ARHGAP5: variants seen among roughly 807,000 people sequenced by gnomAD.
ARHGAP5 encodes rho GTPase-activating protein 5.
In ARHGAP5, 23 loss-of-function variants were observed where a neutral mutation model predicts 116.6. That is an observed-to-expected ratio of 0.20 (90% CI 0.14 to 0.28). The LOEUF is 0.28. Ranked by LOEUF, ARHGAP5 falls within the 10% of genes least tolerant of loss-of-function variation. The pLI is 1.00. For synonymous variants in ARHGAP5, 574 were observed against 602.0 expected, an observed-to-expected ratio of 0.95 and a Z score of 0.68; for missense variants, 1,405 against 1,774.8, an observed-to-expected ratio of 0.79 and a Z score of 3.74.
At chr14:32,142,504 A>G (rs1268892532) in intron 3 of ARHGAP5, among the ~76,000 whole-genome samples, 1 of 152,294 alleles carries the variant, frequency 6.6e-6, no homozygotes, top group South Asian at 2.1e-4. Flanking sequence ...TGTTCTATTC[A>G]CTTTGCGGTG....
Position 32,154,645 on chromosome 14 carries a change from C to T in ARHGAP5, c.4206C>T (p.Asn1402=), listed in dbSNP as rs746095802. The T allele has an allele frequency of 8.6e-5, 138 of 1,610,494 alleles. No individual in the cohort carries two copies. Among genetic ancestry groups the T allele is most frequent in the Non-Finnish European group, 1.1e-4 (129 of 1,177,250 alleles). The part of the protein sequence containing the change: ...LNRVSQQHKI[N]LMTADNLSIC... Reference sequence around the variant, plus strand: ...GGGTTAGTCAGCAACATAAAATCAACCTAATGACAGCAGACAACTTATCCA... The same window carrying T: ...GGGTTAGTCAGCAACATAAAATCAATCTAATGACAGCAGACAACTTATCCA... Residue 1402 remains asparagine, a synonymous_variant, in exon 7 of 7, where the codon AAC becomes AAT. Transcript: ENST00000345122.
Position 32,149,441 on chromosome 14 carries a change from G to T in ARHGAP5, c.3944-461G>T, listed in dbSNP as rs1189990152. Among the ~76,000 whole-genome samples the T allele has an allele frequency of 3.3e-5, 5 of 152,174 alleles. No homozygotes were observed. The East Asian group carries it at 9.7e-4, about 29-fold the overall frequency. On this transcript the variant is annotated intron_variant, in intron 4 of 6. Transcript: ENST00000345122. ...AACAGAAAAGGCTTATTGCTTGGTT[G>T]TCTTTTCCCTGATCTGTGTAGTTTG...
intron 2 of ARHGAP5, among the ~76,000 whole-genome samples, chr14:32,109,355 A>G (rs576435683): frequency 4.9e-4 from 74 of 152,216 alleles, no homozygotes; most frequent in Non-Finnish European, 9.0e-4. Context: ...ATCTTTGAAT[A>G]TATTGAACTC....
intron 3 of ARHGAP5, among the ~76,000 whole-genome samples, chr14:32,120,180 T>G (rs1161900705): frequency 1.3e-5 from 2 of 152,060 alleles, no homozygotes; most frequent in East Asian, 3.8e-4. Flanking sequence ...TGGTTGTTTG[T>G]GTGTTTTGAG....
intron 3 of ARHGAP5, among the ~76,000 whole-genome samples, chr14:32,135,786 C>A (rs879411793): frequency 2.0e-5 from 3 of 152,134 alleles, no homozygotes; most frequent in Non-Finnish European, 4.4e-5. Context: ...ATTCTAATTC[C>A]AAATTTCCAG....
At chr14:32,100,159 T>C (rs1878724851) in intron 2 of ARHGAP5, among the ~76,000 whole-genome samples, 1 of 152,122 alleles carries the variant, frequency 6.6e-6, no homozygotes, top group South Asian at 2.1e-4. Flanking sequence ...AGATTGAAAA[T>C]ACTCAGGAAA....
chr14:32,100,152 T>C (rs898593473), intron 2 of ARHGAP5, among the ~76,000 whole-genome samples: 1 of 152,174 alleles, frequency 6.6e-6, no homozygotes, highest in Non-Finnish European at 1.5e-5. Context: ...AAACTGCAGA[T>C]TGAAAATACT....
At chr14:32,149,836 C>T (rs1361445779) in intron 4 of ARHGAP5, 66 bp from the exon 5 acceptor site, 1 of 919,814 alleles carries the variant, frequency 1.1e-6, no homozygotes, top group African/African-American at 1.8e-5. Context: ...CTAAAAGTAA[C>T]CATTTAGCTT....
intron 5 of ARHGAP5, among the ~76,000 whole-genome samples, chr14:32,151,357 C>A (rs889604979): frequency 3.3e-5 from 5 of 152,156 alleles, no homozygotes; most frequent in African/African-American, 1.2e-4. Flanking sequence ...ATTTCAGGGC[C>A]ACATTTTAGT....
Position 32,091,747 on chromosome 14 carries a change from A to G in ARHGAP5, c.1078A>G (p.Asn360Asp). 6.2e-7 allele frequency: 1 copy of G among 1,613,556 alleles called. No individual in the cohort carries two copies. The highest frequency in any genetic ancestry group is 8.5e-7 in the Non-Finnish European group (1 of 1,179,638). Reference protein sequence around the residue: ...LPNLEEIEHLNWSEALKLMEK... With the variant: ...LPNLEEIEHLDWSEALKLMEK... Reference sequence around the variant, plus strand: ...AAATCTAGAAGAGATTGAACATTTGAATTGGTCAGAAGCTTTGAAGTTAAT... The same window carrying G: ...AAATCTAGAAGAGATTGAACATTTGGATTGGTCAGAAGCTTTGAAGTTAAT... Residue 360 changes from asparagine (N) to aspartate (D), a missense_variant, in exon 2 of 7, where the codon AAT (asparagine) becomes GAT (aspartate). Physicochemically the swap from Asn to Asp is conservative, Grantham distance 23. Coordinates refer to ENST00000345122, the MANE Select transcript of ARHGAP5 (RefSeq NM_001030055.2).
chr14:32,077,451 C>T lies in ARHGAP5; in HGVS notation c.-169+16C>T, dbSNP rs1021602587. 25 of 697,550 alleles carry T rather than the reference C, an allele frequency of 3.6e-5. No individual in the cohort carries two copies. The highest frequency in any genetic ancestry group is 3.2e-4 in the African/African-American group (18 of 56,532). 43.2% of individuals were successfully genotyped at this position (697,550 alleles called of 1,614,324 possible). A position where few individuals can be genotyped will look rare whatever the true frequency, so the allele number is the denominator to read the frequency against. On this transcript the variant is annotated intron_variant, in intron 1 of 6. Transcript: ENST00000345122. Reference sequence around the variant, plus strand: ...ACGTTGTTAGGTAGGACCTTGCGGACCCCGCTCCTCCAAGCCTGCCTGCCC... The same window carrying T: ...ACGTTGTTAGGTAGGACCTTGCGGATCCCGCTCCTCCAAGCCTGCCTGCCC...
At chr14:32,109,111 A>G (rs115101650) in intron 2 of ARHGAP5, among the ~76,000 whole-genome samples, 2,762 of 152,232 alleles carry the variant, frequency 0.018, 86 homozygotes, top group African/African-American at 0.063. Context: ...CTCTTTTAAA[A>G]TATACATATA....
chr14:32,143,786 T>C (rs1271256290), intron 3 of ARHGAP5, among the ~76,000 whole-genome samples: 1 of 152,206 alleles, frequency 6.6e-6, no homozygotes, highest in African/African-American at 2.4e-5. Context: ...ATAATCTCCA[T>C]TTAACAAATA....
intron 6 of ARHGAP5, among the ~76,000 whole-genome samples, chr14:32,153,051 G>GTTTTTTTTT (rs773823740): frequency 3.8e-5 from 3 of 79,918 alleles, no homozygotes; most frequent in African/African-American, 3.7e-5. Context: ...GGTTTTTTTT[G>GTTTTTTTTT]TTTTTTTTTT....
Position 32,094,184 on chromosome 14 carries a change from A to G in ARHGAP5, c.3515A>G (p.His1172Arg). The change falls in exon 2 of 7, where the codon CAT becomes CGT. Residue 1172 changes from histidine (H) to arginine (R), a missense_variant. By Grantham distance (29) the His-to-Arg change is conservative. Coordinates refer to ENST00000345122, the MANE Select transcript of ARHGAP5 (RefSeq NM_001030055.2). ...SKAKSYYRRTHSDASDDEAFT... is the reference protein window; with the variant it reads ...SKAKSYYRRTRSDASDDEAFT... ...GCCAAGTCATACTATAGAAGAACAC[A>G]TTCAGATGCCAGTGATGATGAGGCT... The G allele has an allele frequency of 6.2e-7, 1 of 1,612,750 alleles. No individual in the cohort carries two copies. Among genetic ancestry groups the G allele is most frequent in the East Asian group, 2.2e-5 (1 of 44,870 alleles).
chr14:32,089,710 TAA>T (rs1161547121), intron 1 of ARHGAP5, among the ~76,000 whole-genome samples: 1 of 151,824 alleles, frequency 6.6e-6, no homozygotes, highest in Non-Finnish European at 1.5e-5. Flanking sequence ...ATCCAGAAAT[TAA>T]GAGCGTTTAG....
At chr14:32,152,838 T>G (rs915071151) in intron 6 of ARHGAP5, among the ~76,000 whole-genome samples, 1 of 152,068 alleles carries the variant, frequency 6.6e-6, no homozygotes, top group South Asian at 2.1e-4. Flanking sequence ...TGGAACAGGG[T>G]TTGGTTTGAA....
At chr14:32,099,188 G>A (rs529939261) in intron 2 of ARHGAP5, among the ~76,000 whole-genome samples, 2 of 152,156 alleles carry the variant, frequency 1.3e-5, no homozygotes, top group Non-Finnish European at 2.9e-5. Context: ...TCAGTAATGT[G>A]CTGTTCATGA....
intron 2 of ARHGAP5, among the ~76,000 whole-genome samples, chr14:32,107,149 C>T (rs1225909592): frequency 1.3e-5 from 2 of 152,178 alleles, no homozygotes; most frequent in Non-Finnish European, 2.9e-5. Flanking sequence ...ATATCCTTTA[C>T]AGCAAACTAA....
Sources: allele counts gnomAD v4.1 joint callset (sites outside exome capture counted in the v4.1 genomes callset), GRCh38; gene constraint gnomAD v4.1.1; transcripts MANE v1.5; gene names NCBI Gene and HGNC (gene_info 2026-07-23, HGNC 2026-07-21).